TBCK: variants seen among roughly 807,000 people sequenced by gnomAD.
TBCK encodes TBC domain-containing protein kinase-like protein.
A neutral mutation model predicts 113.4 loss-of-function variants in TBCK; 99 were observed. The ratio of observed to expected loss-of-function variants is 0.87; its 90% confidence interval spans 0.74 to 1.03. The LOEUF (loss-of-function observed/expected upper bound fraction) is 1.03, where lower values mean the gene tolerates loss of function less well. Among genes scored for constraint, TBCK ranks in the 50% least tolerant of loss-of-function variants. The pLI, the probability that TBCK is intolerant of heterozygous loss-of-function variation, is 0.00. For missense variants in TBCK, 1,045 were observed against 1,061.3 expected, an observed-to-expected ratio of 0.98 and a Z score of 0.21; for synonymous variants, 369 against 370.8, an observed-to-expected ratio of 1.00 and a Z score of 0.05.
intron 19 of TBCK, among the ~76,000 whole-genome samples, chr4:106,217,706 A>G (rs1757132433): frequency 6.7e-6 from 1 of 150,240 alleles, no homozygotes; most frequent in Non-Finnish European, 1.5e-5. Flanking sequence ...CCACTGCTCA[A>G]GGAAATCAAA....
intron 7 of TBCK, among the ~76,000 whole-genome samples, chr4:106,249,511 C>T (rs1761198469): frequency 6.6e-6 from 1 of 152,134 alleles, no homozygotes; most frequent in Non-Finnish European, 1.5e-5. Context: ...AGAACCAATC[C>T]TCTTCAAGAA....
chr4:106,273,778 G>T (rs1046889938), intron 3 of TBCK, among the ~76,000 whole-genome samples: 2 of 152,238 alleles, frequency 1.3e-5, no homozygotes, highest in Non-Finnish European at 2.9e-5. Context: ...TTTATTGAAA[G>T]CCTCCAAAGG....
chr4:106,143,365 T>C (rs1439554426), intron 23 of TBCK, among the ~76,000 whole-genome samples: 2 of 152,334 alleles, frequency 1.3e-5, no homozygotes, highest in East Asian at 3.9e-4. Flanking sequence ...ACTCATTTGA[T>C]GATTTAGGAT....
chr4:106,143,231 C>T (rs1217128091), intron 23 of TBCK, among the ~76,000 whole-genome samples: 1 of 152,144 alleles, frequency 6.6e-6, no homozygotes, highest in Non-Finnish European at 1.5e-5. Flanking sequence ...TACTCTAGTG[C>T]AACTCTTATC....
chr4:106,205,898 A>G (rs967896199), intron 20 of TBCK, among the ~76,000 whole-genome samples: 2 of 152,116 alleles, frequency 1.3e-5, no homozygotes, highest in South Asian at 4.1e-4. Context: ...AAAAGATTAT[A>G]AAAATGTAAA....
intron 23 of TBCK, among the ~76,000 whole-genome samples, chr4:106,139,465 T>C (rs28418378): frequency 0.24 from 33,793 of 140,832 alleles, 8,464 homozygotes; most frequent in African/African-American, 0.41. Context: ...ACATTTTAAA[T>C]GAGAAGGAAG....
At chr4:106,157,293 C>T (rs937100343) in intron 23 of TBCK, among the ~76,000 whole-genome samples, 1 of 152,138 alleles carries the variant, frequency 6.6e-6, no homozygotes, top group Non-Finnish European at 1.5e-5. Context: ...GAGCCCCATG[C>T]TGTGCAGCCT....
chr4:106,227,214 C>G (rs893982646), intron 19 of TBCK, among the ~76,000 whole-genome samples: 1 of 151,686 alleles, frequency 6.6e-6, no homozygotes, highest in African/African-American at 2.4e-5. Flanking sequence ...GATAATGGAT[C>G]ATTATTTCCA....
intron 22 of TBCK, among the ~76,000 whole-genome samples, chr4:106,192,586 A>C (rs1753780695): frequency 6.6e-6 from 1 of 152,140 alleles, no homozygotes; most frequent in Non-Finnish European, 1.5e-5. Flanking sequence ...TTTTGAGGGA[A>C]GGGGGAATAA....
chr4:106,129,117 GA>G (rs1274783053), intron 23 of TBCK, among the ~76,000 whole-genome samples: 1 of 152,118 alleles, frequency 6.6e-6, no homozygotes, highest in African/African-American at 2.4e-5. Flanking sequence ...ACATAATACA[GA>G]AAAATGATTT....
chr4:106,178,267 A>G (rs1751920870), intron 22 of TBCK, among the ~76,000 whole-genome samples: 3 of 151,972 alleles, frequency 2.0e-5, no homozygotes, highest in Admixed American at 6.6e-5. Flanking sequence ...CATCTGTGAA[A>G]AAGAATAATT....
At chr4:106,096,339 T>TA (rs1359544457) in intron 24 of TBCK, among the ~76,000 whole-genome samples, 2 of 152,242 alleles carry the variant, frequency 1.3e-5, no homozygotes, top group African/African-American at 4.8e-5. Flanking sequence ...AAGATCTACT[T>TA]AAAATGAAAA....
chr4:106,113,431 C>A (rs537652519), intron 24 of TBCK, among the ~76,000 whole-genome samples: 9 of 152,282 alleles, frequency 5.9e-5, no homozygotes, highest in African/African-American at 2.2e-4. Context: ...TTTGCTAAAA[C>A]CTCTCAAGAC....
intron 25 of TBCK, among the ~76,000 whole-genome samples, chr4:106,049,263 T>C (rs1734544838): frequency 1.3e-5 from 2 of 152,078 alleles, no homozygotes. Flanking sequence ...GGGGAGATAG[T>C]ATTAGACAAT....
intron 20 of TBCK, among the ~76,000 whole-genome samples, chr4:106,200,111 C>T (rs901477659): frequency 1.3e-5 from 2 of 152,216 alleles, no homozygotes; most frequent in African/African-American, 4.8e-5. Context: ...TGCTCCTCCA[C>T]ATCTCTGATA....
At chr4:106,259,372 C>T (rs1370940818) in intron 5 of TBCK, among the ~76,000 whole-genome samples, 1 of 151,720 alleles carries the variant, frequency 6.6e-6, no homozygotes, top group Non-Finnish European at 1.5e-5. Context: ...TTTTAGGAAG[C>T]CCAAAGAGGA....
intron 3 of TBCK, among the ~76,000 whole-genome samples, chr4:106,266,012 A>T (rs1012396659): frequency 2.0e-5 from 3 of 151,888 alleles, no homozygotes; most frequent in African/African-American, 7.2e-5. Context: ...TTAAACAAAT[A>T]GGGAATGTGT....
At chr4:106,091,424 T>C (rs565152167) in intron 25 of TBCK, among the ~76,000 whole-genome samples, 26 of 152,346 alleles carry the variant, frequency 1.7e-4, no homozygotes, top group African/African-American at 6.3e-4. Flanking sequence ...TCTCACTGAC[T>C]TCAAGAATGC....
chr4:106,075,968 T>A (rs1052280324), intron 25 of TBCK, among the ~76,000 whole-genome samples: 1 of 152,208 alleles, frequency 6.6e-6, no homozygotes, highest in African/African-American at 2.4e-5. Context: ...CTCAAAAGCC[T>A]TCGGAGCTCA....
Sources: allele counts gnomAD v4.1 joint callset (sites outside exome capture counted in the v4.1 genomes callset), GRCh38; gene constraint gnomAD v4.1.1; transcripts MANE v1.5; gene names NCBI Gene and HGNC (gene_info 2026-07-23, HGNC 2026-07-21).